Variants in NCAM2 observed in about 807,000 individuals in gnomAD.
NCAM2 encodes N-CAM-2.
In NCAM2, 30 loss-of-function variants were observed where a neutral mutation model predicts 98.1. The observed-to-expected ratio is 0.31, with a 90% CI of 0.23 to 0.41. NCAM2 has a LOEUF of 0.41. NCAM2 is among the 10% of genes least tolerant of loss of function. NCAM2 has a pLI of 1.00. For synonymous variants in NCAM2, 368 were observed against 342.4 expected, an observed-to-expected ratio of 1.07 and a Z score of -0.83; for missense variants, 867 against 1,005.8, an observed-to-expected ratio of 0.86 and a Z score of 1.87.
chr21:21,055,267 A>C (rs1389165634), intron 1 of NCAM2, among the ~76,000 whole-genome samples: 1 of 152,022 alleles, frequency 6.6e-6, no homozygotes, highest in African/African-American at 2.4e-5. Context: ...ACACTTAAAG[A>C]ATGATTAAGT....
chr21:21,412,796 C>T (rs1230436816), intron 10 of NCAM2, among the ~76,000 whole-genome samples: 1 of 151,978 alleles, frequency 6.6e-6, no homozygotes, highest in East Asian at 1.9e-4. Context: ...GAAAACATAG[C>T]ATAACAAAAT....
chr21:21,423,403 C>T (rs909507943), intron 11 of NCAM2, among the ~76,000 whole-genome samples: 1 of 152,110 alleles, frequency 6.6e-6, no homozygotes, highest in African/African-American at 2.4e-5. Flanking sequence ...TTATTATGGC[C>T]TAATTATAGT....
chr21:21,421,179 T>A (rs1401983404), intron 11 of NCAM2, among the ~76,000 whole-genome samples: 1 of 151,972 alleles, frequency 6.6e-6, no homozygotes, highest in Non-Finnish European at 1.5e-5. Context: ...TTATGTTGAT[T>A]AGGTTTAAAT....
chr21:21,136,180 A>T (rs1488408805), intron 1 of NCAM2, among the ~76,000 whole-genome samples: 1 of 152,200 alleles, frequency 6.6e-6, no homozygotes, highest in Admixed American at 6.5e-5. Flanking sequence ...GGTGAAGGAA[A>T]ATAAAGGAAA....
intron 8 of NCAM2, among the ~76,000 whole-genome samples, chr21:21,348,011 G>C (rs1464101041): frequency 1.3e-5 from 2 of 152,044 alleles, no homozygotes; most frequent in Non-Finnish European, 2.9e-5. Flanking sequence ...GTGTCATACT[G>C]AATGTGGAAA....
chr21:21,473,661 T>C (rs950051799), intron 14 of NCAM2, among the ~76,000 whole-genome samples: 12 of 151,862 alleles, frequency 7.9e-5, no homozygotes, highest in Non-Finnish European at 1.3e-4. Context: ...TCAGTTTATA[T>C]TTAAAATGAT....
Position 21,509,068 on chromosome 21 carries a change from C to G in NCAM2, c.2282+13C>G. ...AAGCTGCATACCTGTGAGTATCAGG[C>G]ATCTACATCATGTCATATTAAACAA... On this transcript the variant is annotated intron_variant, in intron 16 of 17. Transcript: ENST00000400546. The G allele has an allele frequency of 6.2e-7, 1 of 1,612,430 alleles. No homozygotes were observed. The highest frequency in any genetic ancestry group is 1.1e-5 in the South Asian group (1 of 91,006).
Position 21,441,412 on chromosome 21 carries a change from A to G in NCAM2, c.1654+9131A>G, listed in dbSNP as rs541628466. Among the ~76,000 whole-genome samples, 11 of 152,344 alleles carry G rather than the reference A, an allele frequency of 7.2e-5. No homozygotes were observed. In the East Asian group the frequency reaches 2.1e-3, roughly 29 times the overall value. ...TATATTGAACAAAATATACATTTAA[A>G]AAATCTAATTACTAAATATTCTCCA... On this transcript the variant is annotated intron_variant, in intron 12 of 17. Coordinates refer to ENST00000400546, the MANE Select transcript of NCAM2 (RefSeq NM_004540.5).
At chr21:21,417,464 G>T (rs1161341177) in intron 10 of NCAM2, among the ~76,000 whole-genome samples, 1 of 151,928 alleles carries the variant, frequency 6.6e-6, no homozygotes, top group Non-Finnish European at 1.5e-5. Context: ...CCTCAAAATT[G>T]CACTCTTAGT....
chr21:21,515,505 AT>A (rs1475920650), intron 16 of NCAM2, among the ~76,000 whole-genome samples: 2 of 151,474 alleles, frequency 1.3e-5, no homozygotes, highest in African/African-American at 4.8e-5. Context: ...TTTAAACATA[AT>A]TATTTTTATT....
chr21:21,166,517 A>G (rs901206863), intron 1 of NCAM2, among the ~76,000 whole-genome samples: 2 of 152,046 alleles, frequency 1.3e-5, no homozygotes, highest in African/African-American at 4.8e-5. Flanking sequence ...GGTCATCAAG[A>G]CTTATACAAT....
chr21:21,341,790 T>C (rs1602042874), intron 8 of NCAM2, among the ~76,000 whole-genome samples: 1 of 151,110 alleles, frequency 6.6e-6, no homozygotes, highest in Non-Finnish European at 1.5e-5. Flanking sequence ...CTTAAATGTA[T>C]AGATGAGTGA....
chr21:21,455,653 T>C (rs1410934407), intron 12 of NCAM2, among the ~76,000 whole-genome samples: 1 of 152,056 alleles, frequency 6.6e-6, no homozygotes, highest in Admixed American at 6.6e-5. Context: ...TTTGAATTAT[T>C]ATTTAGGAAT....
chr21:21,135,654 C>A (rs147947400), intron 1 of NCAM2, among the ~76,000 whole-genome samples: 153 of 152,286 alleles, frequency 1.0e-3, no homozygotes, highest in African/African-American at 3.5e-3. Context: ...CTTGTACTCT[C>A]ACTATCTCCA....
chr21:21,029,120 A>T (rs1207114359), intron 1 of NCAM2, among the ~76,000 whole-genome samples: 1 of 152,240 alleles, frequency 6.6e-6, no homozygotes, highest in South Asian at 2.1e-4. Context: ...GAAACCCACA[A>T]TCTTTGTTTT....
chr21:21,264,907 T>C lies in NCAM2; in HGVS notation c.56-15671T>C, dbSNP rs200700079. ...ATATATATATGTGTGTGTATATATA[T>C]ACACATATATTAGATATACACATAT... On this transcript the variant is annotated intron_variant, in intron 1 of 17. Transcript: ENST00000400546. Among the ~76,000 whole-genome samples the C allele has an allele frequency of 7.1e-4, 80 of 112,646 alleles. 1 individual carries two copies. Among genetic ancestry groups the C allele is most frequent in the Admixed American group, 5.5e-3 (59 of 10,770 alleles). 73.9% of individuals were successfully genotyped at this position (112,646 alleles called of 152,430 possible).
chr21:21,380,603 G>C (rs2076132973), intron 9 of NCAM2, among the ~76,000 whole-genome samples: 1 of 151,308 alleles, frequency 6.6e-6, no homozygotes, highest in African/African-American at 2.4e-5. Context: ...CACATTCCTT[G>C]CCTCATGGAT....
chr21:21,485,731 TA>T (rs934118211), intron 15 of NCAM2, among the ~76,000 whole-genome samples: 6 of 152,196 alleles, frequency 3.9e-5, no homozygotes, highest in Non-Finnish European at 8.8e-5. Flanking sequence ...CATATATGCA[TA>T]AAAGTGACCA....
chr21:21,302,637 A>G (rs1380584969), intron 5 of NCAM2, among the ~76,000 whole-genome samples: 1 of 152,140 alleles, frequency 6.6e-6, no homozygotes, highest in Non-Finnish European at 1.5e-5. Context: ...AAGGGAATGT[A>G]TATAACTATT....
Sources: allele counts gnomAD v4.1 joint callset (sites outside exome capture counted in the v4.1 genomes callset), GRCh38; gene constraint gnomAD v4.1.1; transcripts MANE v1.5; gene names NCBI Gene and HGNC (gene_info 2026-07-23, HGNC 2026-07-21).